Variants in ANKS1B observed in about 807,000 individuals in gnomAD.
ANKS1B encodes ankyrin repeat and sterile alpha motif domain containing 1B.
A neutral mutation model predicts 148.3 loss-of-function variants in ANKS1B; 36 were observed. The ratio of observed to expected loss-of-function variants is 0.24; its 90% CI spans 0.19 to 0.32. ANKS1B has a LOEUF of 0.32. Among genes scored for constraint, ANKS1B ranks in the 10% least tolerant of loss-of-function variants. ANKS1B has a pLI of 1.00. For missense variants in ANKS1B, 1,157 were observed against 1,542.6 expected (o/e 0.75, Z 4.19); for synonymous variants, 542 against 560.8 (o/e 0.97, Z 0.47).
chr12:99,074,989 T>A (rs1425125714), intron 16 of ANKS1B, among the ~76,000 whole-genome samples: 1 of 152,076 alleles, frequency 6.6e-6, no homozygotes, highest in African/African-American at 2.4e-5. Flanking sequence ...AAATCATCTA[T>A]CCCAGAGAGA....
intron 12 of ANKS1B, among the ~76,000 whole-genome samples, chr12:99,389,251 G>T (rs2093976635): frequency 6.6e-6 from 1 of 152,212 alleles, no homozygotes; most frequent in Non-Finnish European, 1.5e-5. Context: ...TAAAAGTGAA[G>T]CCTGCGTTTG....
chr12:98,884,046 A>G (rs1360522291), intron 17 of ANKS1B, among the ~76,000 whole-genome samples: 1 of 152,136 alleles, frequency 6.6e-6, no homozygotes, highest in East Asian at 1.9e-4. Flanking sequence ...TTCACATTAA[A>G]AGCAGAAAAA....
At chr12:98,865,577 A>G (rs749525821) in intron 17 of ANKS1B, among the ~76,000 whole-genome samples, 6 of 152,344 alleles carry the variant, frequency 3.9e-5, no homozygotes, top group Non-Finnish European at 8.8e-5. Flanking sequence ...TTTACAGAGT[A>G]TATTAGAAAG....
chr12:98,924,615 C>T (rs532427764), intron 17 of ANKS1B, among the ~76,000 whole-genome samples: 1 of 152,230 alleles, frequency 6.6e-6, no homozygotes, highest in East Asian at 1.9e-4. Context: ...ATACTAGGGA[C>T]GTAAGTGTGG....
intron 9 of ANKS1B, among the ~76,000 whole-genome samples, chr12:98,737,746 T>A (rs1028201837): frequency 6.6e-6 from 1 of 152,208 alleles, no homozygotes; most frequent in Non-Finnish European, 1.5e-5. Flanking sequence ...CTGTGAAACA[T>A]CATTAGGGGA....
In ANKS1B at chr12:98,987,136, C is replaced by T. The variant is rs897448823; in HGVS notation, c.2778+66021G>A. Among the ~76,000 whole-genome samples, 5 of 151,278 alleles carry T rather than the reference C, an allele frequency of 3.3e-5. No individual in the cohort carries two copies. In the South Asian group the frequency reaches 6.3e-4, roughly 19 times the overall value. ...ATAGTATTTTCATTAAAAATGGATACACATGTTTTTGTGTCAAGTAAACAT... is the reference window on the plus strand; with the variant it reads ...ATAGTATTTTCATTAAAAATGGATATACATGTTTTTGTGTCAAGTAAACAT... On this transcript the variant is annotated intron_variant, in intron 17 of 26. Coordinates refer to ENST00000683438, the MANE Select transcript of ANKS1B (RefSeq NM_001352186.2).
At position 99,648,937 on chromosome 12, in the gene ANKS1B, A is replaced by G. The variant is rs534251700; in HGVS notation, c.1272+6130T>C. 3.1e-5 allele frequency: 36 copies of G among 1,165,364 alleles called. 1 individual carries two copies. The South Asian group carries it at 5.8e-4, about 19-fold the overall frequency. 72.2% of individuals were successfully genotyped at this position (1,165,364 alleles called of 1,614,324 possible). On this transcript the variant is annotated intron_variant, in intron 9 of 26. Transcript: ENST00000683438. ...CCAAATGAGCTTCCATTTGGAGGCCATGGTACATTGAGGAGGTTCCTAGTG... is the reference window on the plus strand; with the variant it reads ...CCAAATGAGCTTCCATTTGGAGGCCGTGGTACATTGAGGAGGTTCCTAGTG...
chr12:99,862,888 T>C (rs2090219755), intron 1 of ANKS1B, among the ~76,000 whole-genome samples: 1 of 151,982 alleles, frequency 6.6e-6, no homozygotes, highest in Non-Finnish European at 1.5e-5. Context: ...GAAGGAAAAA[T>C]AGGATTCAAC....
At chr12:99,428,917 A>G (rs1267579667) in intron 11 of ANKS1B, among the ~76,000 whole-genome samples, 1 of 152,194 alleles carries the variant, frequency 6.6e-6, no homozygotes, top group Non-Finnish European at 1.5e-5. Flanking sequence ...AGTGATGGAG[A>G]TAAGTCAAAA....
intron 12 of ANKS1B, among the ~76,000 whole-genome samples, chr12:99,280,962 C>T (rs1377690693): frequency 6.6e-6 from 1 of 151,604 alleles, no homozygotes; most frequent in South Asian, 2.1e-4. Flanking sequence ...CTCTCTCTCG[C>T]TATTGGTTCT....
At chr12:98,890,872 C>T (rs1484197856) in intron 17 of ANKS1B, among the ~76,000 whole-genome samples, 1 of 152,214 alleles carries the variant, frequency 6.6e-6, no homozygotes, top group African/African-American at 2.4e-5. Flanking sequence ...TATGGCCAAG[C>T]AGCCTTGGAG....
chr12:99,249,780 C>A (rs897147752), intron 12 of ANKS1B, among the ~76,000 whole-genome samples: 3 of 152,174 alleles, frequency 2.0e-5, no homozygotes, highest in African/African-American at 7.2e-5. Context: ...AATCAGACTG[C>A]AGCAAATGTG....
intron 10 of ANKS1B, among the ~76,000 whole-genome samples, chr12:99,467,935 CTACTT>C (rs1299336781): frequency 1.3e-5 from 2 of 152,154 alleles, no homozygotes; most frequent in Non-Finnish European, 2.9e-5. Context: ...TTGGAAAAAA[CTACTT>C]TAAAGTTCAT....
chr12:99,241,942 A>G (rs113822531), intron 14 of ANKS1B, among the ~76,000 whole-genome samples: 2 of 152,342 alleles, frequency 1.3e-5, no homozygotes, highest in African/African-American at 4.8e-5. Context: ...AGCCAATATC[A>G]TACTGAACGG....
chr12:98,999,410 TC>T (rs2153356233), intron 17 of ANKS1B, among the ~76,000 whole-genome samples: 1 of 152,234 alleles, frequency 6.6e-6, no homozygotes, highest in East Asian at 1.9e-4. Context: ...TCATTCTGTT[TC>T]CCATTGCTGA....
chr12:99,458,948 G>A (rs1464341342), intron 10 of ANKS1B, among the ~76,000 whole-genome samples: 1 of 151,810 alleles, frequency 6.6e-6, no homozygotes, highest in East Asian at 1.9e-4. Flanking sequence ...ACCAGGAAAG[G>A]ACATAACATA....
At chr12:99,165,699 A>G (rs1021978483) in intron 14 of ANKS1B, among the ~76,000 whole-genome samples, 2 of 50 alleles carry the variant, frequency 0.04, no homozygotes, top group Non-Finnish European at 0.077. Context: ...TACCAAACAT[A>G]TAGTGAAAGA....
chr12:99,632,407 C>T (rs2098170199), intron 9 of ANKS1B, among the ~76,000 whole-genome samples: 1 of 151,864 alleles, frequency 6.6e-6, no homozygotes, highest in African/African-American at 2.4e-5. Flanking sequence ...GGAGCTGCTG[C>T]AGAGAATCCT....
At chr12:99,354,163 C>G (rs1308350707) in intron 12 of ANKS1B, among the ~76,000 whole-genome samples, 1 of 151,972 alleles carries the variant, frequency 6.6e-6, no homozygotes, top group East Asian at 1.9e-4. Context: ...TGGGTCTATA[C>G]AACCAGGAAA....
Sources: allele counts gnomAD v4.1 joint callset (sites outside exome capture counted in the v4.1 genomes callset), GRCh38; gene constraint gnomAD v4.1.1; transcripts MANE v1.5; gene names NCBI Gene and HGNC (gene_info 2026-07-23, HGNC 2026-07-21).